The following TBC1D22B variants were observed in gnomAD, a reference collection of about 807,000 sequenced individuals.
TBC1D22B encodes the protein chromosome 6 open reading frame 197.
A neutral mutation model predicts 69.1 loss-of-function variants in TBC1D22B; 32 were observed. The ratio of observed to expected loss-of-function variants is 0.46; its 90% CI spans 0.35 to 0.62. The LOEUF (loss-of-function observed/expected upper bound fraction) is 0.62, where lower values mean the gene tolerates loss of function less well. Among genes scored for constraint, TBC1D22B ranks in the 20% least tolerant of loss-of-function variants. The pLI is 0.00. For synonymous variants in TBC1D22B, 206 were observed against 229.8 expected (o/e 0.90, Z 0.94); for missense variants, 462 against 630.9 (o/e 0.73, Z 2.87).
chr6:37,324,005 A>G (rs567543150), intron 12 of TBC1D22B, among the ~76,000 whole-genome samples: 159 of 152,352 alleles, frequency 1.0e-3, no homozygotes, highest in Middle Eastern at 3.4e-3. Context: ...CTTATATCAT[A>G]GGGACATGTT....
chr6:37,321,827 T>G (rs1387465106), intron 12 of TBC1D22B, among the ~76,000 whole-genome samples: 2 of 152,098 alleles, frequency 1.3e-5, no homozygotes, highest in Non-Finnish European at 2.9e-5. Context: ...CCGTGTTGAC[T>G]GGGGAGGAGC....
chr6:37,323,008 C>T (rs772522213), intron 12 of TBC1D22B, among the ~76,000 whole-genome samples: 59 of 152,114 alleles, frequency 3.9e-4, no homozygotes, highest in Non-Finnish European at 5.7e-4. Context: ...CTATGAAGAG[C>T]GTGTGCCTGA....
chr6:37,279,477 C>T lies in TBC1D22B; in HGVS notation c.287C>T (p.Thr96Ile). 2 of 1,614,178 alleles carry T rather than the reference C, an allele frequency of 1.2e-6. No homozygotes were observed. Among genetic ancestry groups the T allele is most frequent in the Non-Finnish European group, 8.5e-7 (1 of 1,180,044 alleles). The change falls in exon 3 of 13, where the codon ACT becomes ATT. Residue 96 changes from threonine (T) to isoleucine (I), a missense_variant. Thr to Ile is a moderately conservative substitution (Grantham distance 89). This residue lies in a region of TBC1D22B where 237 missense variants were observed against 255.4 expected (regional missense o/e 0.93). Transcript: ENST00000373491. The part of the protein sequence containing the change: ...QTLNSKVALA[T>I]AAQVLENHSK... ...CTGAACTCAAAAGTTGCTTTGGCAA[C>T]TGCAGCCCAAGTTCTAGAAAACCAC... is the stretch of plus-strand genomic sequence containing the variant.
At chr6:37,309,477 G>A (rs985890538) in intron 8 of TBC1D22B, among the ~76,000 whole-genome samples, 1 of 152,170 alleles carries the variant, frequency 6.6e-6, no homozygotes, top group African/African-American at 2.4e-5. Flanking sequence ...TGGAGCTCTG[G>A]ATCTTCCTTT....
chr6:37,303,155 T>A (rs1028344952), intron 8 of TBC1D22B, among the ~76,000 whole-genome samples: 1 of 152,240 alleles, frequency 6.6e-6, no homozygotes, highest in Admixed American at 6.5e-5. Context: ...CAAGTGAGGC[T>A]GAGAAACAGT....
In TBC1D22B at chr6:37,331,906, C is replaced by G. The variant is rs1768592499; in HGVS notation, c.*734C>G. ...CCAGTGACCAAGTGTATAAGCATCC[C>G]TTGAAGAGGGATTGGGGCAGGGGAG... is the stretch of plus-strand genomic sequence containing the variant. On this transcript the variant is annotated 3_prime_UTR_variant, in exon 13 of 13. Coordinates refer to ENST00000373491, the MANE Select transcript of TBC1D22B (RefSeq NM_017772.4). The G allele has an allele frequency of 6.6e-6, 1 of 152,578 alleles. No individual in the cohort carries two copies. The highest frequency in any genetic ancestry group is 1.5e-5 in the Non-Finnish European group (1 of 68,026). 9.5% of individuals were successfully genotyped at this position (152,578 alleles called of 1,614,324 possible).
chr6:37,303,969 C>T (rs778292558), intron 8 of TBC1D22B, among the ~76,000 whole-genome samples: 1 of 152,224 alleles, frequency 6.6e-6, no homozygotes, highest in Non-Finnish European at 1.5e-5. Context: ...TAAACATCTT[C>T]ATATCCCCAG....
At chr6:37,281,262 T>G (rs1055234867) in intron 3 of TBC1D22B, among the ~76,000 whole-genome samples, 11 of 152,200 alleles carry the variant, frequency 7.2e-5, no homozygotes, top group African/African-American at 2.4e-4. Context: ...AGTTATACAT[T>G]CCTACCATAT....
chr6:37,267,356 C>A (rs1384702075), intron 1 of TBC1D22B, among the ~76,000 whole-genome samples: 2 of 121,268 alleles, frequency 1.6e-5, no homozygotes, highest in South Asian at 2.3e-4. Flanking sequence ...TATATACACA[C>A]ATATATAATA....
In TBC1D22B at chr6:37,280,654, C is replaced by T. The variant is rs555551934; in HGVS notation, c.421+1043C>T. ...CCTACCGTGATCCATGATGAGCTGC[C>T]CTGTGCAGCCAGGACCTCCCCCGCC... On this transcript the variant is annotated intron_variant, in intron 3 of 12. Transcript: ENST00000373491. Among the ~76,000 whole-genome samples, 12 of 152,328 alleles carry T rather than the reference C, an allele frequency of 7.9e-5. No homozygotes were observed. The South Asian group carries it at 2.5e-3, about 32-fold the overall frequency.
intron 8 of TBC1D22B, among the ~76,000 whole-genome samples, chr6:37,294,063 G>A (rs1413241550): frequency 6.6e-6 from 1 of 152,208 alleles, no homozygotes; most frequent in African/African-American, 2.4e-5. Context: ...AGCGACAAGT[G>A]CTGATGTAGA....
chr6:37,264,690 A>G lies in TBC1D22B; in HGVS notation c.57-4904A>G, dbSNP rs116553066. On this transcript the variant is annotated intron_variant, in intron 1 of 12. Transcript: ENST00000373491. ...TGTATGTTAGGGAACTAGAGAAGACATGAGTTAGTAGATGCTGGGGGTAGG... is the reference window on the plus strand; with the variant it reads ...TGTATGTTAGGGAACTAGAGAAGACGTGAGTTAGTAGATGCTGGGGGTAGG... Among the ~76,000 whole-genome samples the G allele has an allele frequency of 6.8e-3, 1,035 of 152,326 alleles. 10 individuals carry two copies. The highest frequency in any genetic ancestry group is 0.022 in the African/African-American group (922 of 41,578).
chr6:37,268,406 T>A (rs1766373581), intron 1 of TBC1D22B, among the ~76,000 whole-genome samples: 1 of 152,150 alleles, frequency 6.6e-6, no homozygotes, highest in Non-Finnish European at 1.5e-5. Flanking sequence ...TTTTTTATTT[T>A]CTTGTAGAAA....
chr6:37,313,153 T>C, intron 9 of TBC1D22B, 129 bp downstream of exon 9: 1 of 722,432 alleles, frequency 1.4e-6, no homozygotes, highest in Non-Finnish European at 2.5e-6. Context: ...CCTCCTCCTT[T>C]TCATCCATCT....
chr6:37,296,450 GTGATCCTCT>G (rs1767374489), intron 8 of TBC1D22B, among the ~76,000 whole-genome samples: 1 of 152,012 alleles, frequency 6.6e-6, no homozygotes, highest in Non-Finnish European at 1.5e-5. Flanking sequence ...GCTGGCTCAA[GTGATCCTCT>G]CACCTCAGCG....
At chr6:37,324,390 G>C in intron 12 of TBC1D22B, 1 of 456,696 alleles carries the variant, frequency 2.2e-6, no homozygotes, top group South Asian at 1.5e-5. Flanking sequence ...GAATTTAGCT[G>C]TGACACATCT....
intron 12 of TBC1D22B, among the ~76,000 whole-genome samples, chr6:37,320,526 C>T (rs1288632799): frequency 2.0e-5 from 3 of 152,014 alleles, no homozygotes; most frequent in African/African-American, 4.8e-5. Context: ...AGCAATGAGG[C>T]GAGCTTTAAA....
intron 12 of TBC1D22B, among the ~76,000 whole-genome samples, chr6:37,326,376 CAAAA>C (rs10651731): frequency 1.7e-5 from 2 of 115,880 alleles, no homozygotes; most frequent in Non-Finnish European, 1.8e-5. Context: ...GACTGCGCCT[CAAAA>C]AAAAAAAAAA....
intron 2 of TBC1D22B, among the ~76,000 whole-genome samples, chr6:37,270,184 G>A (rs976567311): frequency 1.3e-5 from 2 of 152,206 alleles, no homozygotes; most frequent in African/African-American, 4.8e-5. Context: ...GGGCATGGTG[G>A]CTCACGCCTG....
Sources: allele counts gnomAD v4.1 joint callset (sites outside exome capture counted in the v4.1 genomes callset), GRCh38; gene constraint gnomAD v4.1.1; regional missense constraint gnomAD v4.1.1; transcripts MANE v1.5; gene names NCBI Gene and HGNC (gene_info 2026-07-23, HGNC 2026-07-21).